The following PDE6C variants were observed in gnomAD, a reference collection of about 807,000 sequenced individuals.
PDE6C encodes phosphodiesterase 6C.
Under a neutral mutation model 113.1 loss-of-function variants are expected in PDE6C, and 75 were observed. The ratio of observed to expected loss-of-function variants is 0.66; its 90% CI spans 0.55 to 0.80. PDE6C has a LOEUF of 0.80. PDE6C is among the 30% of genes least tolerant of loss of function. PDE6C has a pLI of 0.00. For missense variants in PDE6C, 912 were observed against 1,038.6 expected (o/e 0.88, Z 1.67); for synonymous variants, 375 against 363.7 (o/e 1.03, Z -0.35).
intron 6 of PDE6C, 35 bp downstream of exon 6, chr10:93,626,739 C>G: frequency 6.2e-7 from 1 of 1,602,212 alleles, no homozygotes; most frequent in African/African-American, 1.3e-5. Flanking sequence ...CCGCAGTTGC[C>G]GTTGTATTTT....
chr10:93,647,323 A>G (rs2058589732), intron 15 of PDE6C, among the ~76,000 whole-genome samples: 1 of 152,182 alleles, frequency 6.6e-6, no homozygotes, highest in Admixed American at 6.5e-5. Flanking sequence ...ATCTTTTATT[A>G]AAAGCTCAGG....
Position 93,655,851 on chromosome 10 carries a change from T to C in PDE6C, c.2027T>C (p.Leu676Ser). ...EVAIIATDLA[L>S]YFKKRTMFQK... ...GCAATAATAGCAACTGACCTGGCTT[T>C]ATATTTCAAGTAAGTACATAACTCT... is the stretch of plus-strand genomic sequence containing the variant. Residue 676 changes from leucine (L) to serine (S), a missense_variant, in exon 16 of 22, where the codon TTA becomes TCA. Coordinates refer to ENST00000371447, the MANE Select transcript of PDE6C (RefSeq NM_006204.4). 6.5e-7 allele frequency: 1 copy of C among 1,545,650 alleles called. No homozygotes were observed. Among genetic ancestry groups the C allele is most frequent in the Non-Finnish European group, 8.9e-7 (1 of 1,117,496 alleles).
chr10:93,621,254 G>T (rs1054888279), intron 3 of PDE6C, among the ~76,000 whole-genome samples: 6 of 152,178 alleles, frequency 3.9e-5, no homozygotes, highest in Non-Finnish European at 7.3e-5. Flanking sequence ...CTATGAGATG[G>T]TGATGACAAT....
intron 11 of PDE6C, among the ~76,000 whole-genome samples, chr10:93,637,792 T>C (rs2058541020): frequency 6.6e-6 from 1 of 152,232 alleles, no homozygotes; most frequent in Non-Finnish European, 1.5e-5. Flanking sequence ...GTAGATCTGA[T>C]TCTACTGTTT....
chr10:93,648,007 C>A (rs1159422710), intron 15 of PDE6C, among the ~76,000 whole-genome samples: 3 of 152,152 alleles, frequency 2.0e-5, no homozygotes, highest in Non-Finnish European at 4.4e-5. Flanking sequence ...AGTGAGGTAG[C>A]ATCAAATGTC....
chr10:93,659,021 A>C lies in PDE6C; in HGVS notation c.2144+13A>C. On this transcript the variant is annotated intron_variant, in intron 17 of 21. Transcript: ENST00000371447. The stretch of plus-strand genomic sequence containing the variant: ...AAGAGATTATCATGTAGGTAGTTGA[A>C]ATTGTATTTCTCTCTTGTTTTTTGT... 1 of 1,574,678 alleles carries C rather than the reference A, an allele frequency of 6.4e-7. No individual in the cohort carries two copies. Among genetic ancestry groups the C allele is most frequent in the Non-Finnish European group, 8.7e-7 (1 of 1,144,532 alleles).
chr10:93,635,730 C>G, intron 10 of PDE6C, 90 bp downstream of exon 10: 2 of 1,353,626 alleles, frequency 1.5e-6, no homozygotes, highest in Non-Finnish European at 2.1e-6. Context: ...CTGACAAATG[C>G]AAATGGTTTA....
Position 93,634,835 on chromosome 10 carries a change from T to G in PDE6C, c.1197T>G (p.Ile399Met). The G allele has an allele frequency of 5.0e-6, 8 of 1,614,108 alleles. No individual in the cohort carries two copies. Among genetic ancestry groups the G allele is most frequent in the Non-Finnish European group, 6.8e-6 (8 of 1,179,984 alleles). The change falls in exon 9 of 22, where the codon ATT (isoleucine) becomes ATG (methionine). Residue 399 changes from isoleucine (I) to methionine (M), a missense_variant. Physicochemically the swap from Ile to Met is conservative, Grantham distance 10. Transcript: ENST00000371447. ...SLPIVNKKEDIVGVATFYNRK... is the reference protein window; with the variant it reads ...SLPIVNKKEDMVGVATFYNRK... ...CTATTGTCAACAAGAAAGAAGATAT[T>G]GTGGGAGTGGCTACATTTTACAACA...
chr10:93,647,081 ATTC>A (rs1288452866), intron 15 of PDE6C, among the ~76,000 whole-genome samples: 1 of 152,216 alleles, frequency 6.6e-6, no homozygotes, highest in Non-Finnish European at 1.5e-5. Flanking sequence ...GAGGGTAGTC[ATTC>A]TTCTTCCCTT....
At chr10:93,653,375 G>A (rs1313220135) in intron 15 of PDE6C, among the ~76,000 whole-genome samples, 1 of 152,162 alleles carries the variant, frequency 6.6e-6, no homozygotes, top group Non-Finnish European at 1.5e-5. Context: ...AGGCACGGTG[G>A]CTCATGCCTG....
chr10:93,617,830 G>A (rs1414733404), intron 1 of PDE6C, among the ~76,000 whole-genome samples: 4 of 152,154 alleles, frequency 2.6e-5, no homozygotes, highest in South Asian at 2.1e-4. Flanking sequence ...CACATTTCTG[G>A]TATTTCGATG....
At position 93,626,677 on chromosome 10, in the gene PDE6C, A is replaced by G. The variant is rs750120472; in HGVS notation, c.977A>G (p.His326Arg). The change falls in exon 6 of 22, where the codon CAT (histidine) becomes CGT (arginine). Residue 326 changes from histidine (H) to arginine (R), a missense_variant. Transcript: ENST00000371447. Reference sequence around the variant, plus strand: ...TATAAAATCATTGATTACATTTTACATGGAAAAGAAGAGATCAAAGTGATT... The same window carrying G: ...TATAAAATCATTGATTACATTTTACGTGGAAAAGAAGAGATCAAAGTGATT... Reference protein sequence around the residue: ...NFYKIIDYILHGKEEIKVIPT... With the variant: ...NFYKIIDYILRGKEEIKVIPT... 1.2e-6 allele frequency: 2 copies of G among 1,601,376 alleles called. No individual in the cohort carries two copies. The highest frequency in any genetic ancestry group is 3.3e-5 in the Admixed American group (2 of 59,998).
chr10:93,627,266 A>G (rs2058478132), intron 7 of PDE6C, among the ~76,000 whole-genome samples: 2 of 150,838 alleles, frequency 1.3e-5, no homozygotes, highest in African/African-American at 4.9e-5. Context: ...CACAAAAAAA[A>G]AAAAAAAAAA....
At chr10:93,615,127 A>C (rs2058414225) in intron 1 of PDE6C, among the ~76,000 whole-genome samples, 1 of 152,138 alleles carries the variant, frequency 6.6e-6, no homozygotes, top group South Asian at 2.1e-4. Context: ...CCCCGTCTCT[A>C]CCAAAAATAC....
intron 15 of PDE6C, among the ~76,000 whole-genome samples, chr10:93,648,794 T>C (rs1180405286): frequency 2.0e-5 from 3 of 152,212 alleles, no homozygotes; most frequent in African/African-American, 7.2e-5. Flanking sequence ...TGACAAAACA[T>C]ATTGCTCAGC....
chr10:93,624,410 G>C (rs866677828), intron 4 of PDE6C, among the ~76,000 whole-genome samples: 12 of 151,918 alleles, frequency 7.9e-5, no homozygotes, highest in Middle Eastern at 6.3e-3. Flanking sequence ...ACTGATTTTC[G>C]GTATTTTAGT....
chr10:93,641,145 G>T, intron 14 of PDE6C, 116 bp downstream of exon 14: 1 of 686,816 alleles, frequency 1.5e-6, no homozygotes. Flanking sequence ...TGCCATGTTG[G>T]AAATTCCAGG....
chr10:93,635,468 G>A (rs572777856), intron 9 of PDE6C, 29 bp from the exon 10 acceptor site: 1 of 1,599,894 alleles, frequency 6.3e-7, no homozygotes, highest in African/African-American at 1.3e-5. Context: ...TCACTGAAGA[G>A]AATTAGAATC....
In PDE6C at chr10:93,621,957, T is replaced by A; in HGVS notation, c.749T>A (p.Val250Glu). ...ATCCTTATGTGGTCAGCCAATAAAG[T>A]ATTTGAAGAACTCACAGATGTTGAG... ...SQILMWSANKVFEELTDVERQ... is the reference protein window; with the variant it reads ...SQILMWSANKEFEELTDVERQ... Residue 250 changes from valine to glutamate, a missense_variant, in exon 4 of 22, where the codon GTA becomes GAA. Coordinates refer to ENST00000371447, the MANE Select transcript of PDE6C (RefSeq NM_006204.4). The A allele has an allele frequency of 3.1e-6, 5 of 1,614,052 alleles. No individual in the cohort carries two copies. Among genetic ancestry groups the A allele is most frequent in the Non-Finnish European group, 4.2e-6 (5 of 1,179,996 alleles).
Sources: gnomAD v4.1 joint callset for allele counts (sites outside exome capture counted in the v4.1 genomes callset) on GRCh38, gnomAD v4.1.1 for gene constraint, MANE v1.5 for transcripts, NCBI Gene and HGNC (gene_info 2026-07-23, HGNC 2026-07-21) for gene names.